The following CD55 variants were observed in gnomAD, a reference collection of about 807,000 sequenced individuals.
CD55 encodes the protein CD55 molecule (Cromer blood group), also known as complement decay-accelerating factor.
Under a neutral mutation model 45.8 loss-of-function variants are expected in CD55, and 41 were observed. That is an observed-to-expected ratio of 0.90 (90% confidence interval 0.70 to 1.16). CD55 has a LOEUF of 1.16. Ranked by LOEUF, CD55 falls within the 50% of genes most tolerant of loss-of-function variation. The probability of loss-of-function intolerance (pLI) is 0.00; values close to 1 mark genes in which losing one functional copy is unlikely to be tolerated. For missense variants in CD55, 416 were observed against 469.8 expected, an observed-to-expected ratio of 0.89 and a Z score of 1.06; for synonymous variants, 181 against 181.1, an observed-to-expected ratio of 1.00 and a Z score of 0.01.
At chr1:207,350,076 G>C in intron 9 of CD55, 1 of 453,996 alleles carries the variant, frequency 2.2e-6, no homozygotes, top group Non-Finnish European at 4.4e-6. Flanking sequence ...AAGGGATGTT[G>C]AATGTTGTCA....
At chr1:207,323,301 A>G (rs1358564548) in intron 2 of CD55, among the ~76,000 whole-genome samples, 1 of 151,750 alleles carries the variant, frequency 6.6e-6, no homozygotes, top group Non-Finnish European at 1.5e-5. Context: ...AGAGATATAT[A>G]TAGGGAGAGA....
intron 3 of CD55, 27 bp downstream of exon 3, chr1:207,324,777 C>G (rs778138982): frequency 1.4e-6 from 2 of 1,460,514 alleles, no homozygotes; most frequent in African/African-American, 2.8e-5. Flanking sequence ...AAAGTATTTT[C>G]AACCATCTGG....
intron 9 of CD55, chr1:207,347,281 A>G (rs1354960494): frequency 2.2e-6 from 1 of 445,492 alleles, no homozygotes. Context: ...TTTTTTTTAG[A>G]CGGAATCTCG....
At chr1:207,324,809 C>A in intron 3 of CD55, 59 bp downstream of exon 3, 1 of 1,046,996 alleles carries the variant, frequency 9.6e-7, no homozygotes, top group African/African-American at 1.6e-5. Context: ...AATAGTATCC[C>A]TTCCTTCATT....
intron 5 of CD55, among the ~76,000 whole-genome samples, chr1:207,328,803 A>G (rs896210183): frequency 4.6e-5 from 7 of 152,086 alleles, no homozygotes; most frequent in African/African-American, 9.7e-5. Context: ...CCATCTGTAT[A>G]TTTCTAGCAT....
At chr1:207,329,153 G>A (rs1289502199) in intron 5 of CD55, among the ~76,000 whole-genome samples, 2 of 152,212 alleles carry the variant, frequency 1.3e-5, no homozygotes, top group African/African-American at 2.4e-5. Flanking sequence ...AGGGAATTCT[G>A]GGTGCTAGTT....
At chr1:207,343,440 A>G (rs1379820417) in intron 9 of CD55, among the ~76,000 whole-genome samples, 2 of 152,178 alleles carry the variant, frequency 1.3e-5, no homozygotes, top group Non-Finnish European at 2.9e-5. Context: ...CCTAATGGTC[A>G]TTCAGAAGCA....
chr1:207,327,833 G>A (rs1018593896), intron 5 of CD55, among the ~76,000 whole-genome samples: 4 of 152,104 alleles, frequency 2.6e-5, no homozygotes, highest in African/African-American at 9.7e-5. Context: ...CACCCACCAT[G>A]TGCCCTTCTT....
At chr1:207,328,368 T>G (rs1410775644) in intron 5 of CD55, among the ~76,000 whole-genome samples, 1 of 152,202 alleles carries the variant, frequency 6.6e-6, no homozygotes, top group Non-Finnish European at 1.5e-5. Context: ...ATAACTTGTT[T>G]TGACCATACC....
chr1:207,356,755 G>C (rs982637935), intron 9 of CD55, among the ~76,000 whole-genome samples: 4 of 151,944 alleles, frequency 2.6e-5, no homozygotes, highest in African/African-American at 7.3e-5. Context: ...AACAACAACA[G>C]CACACACACA....
Position 207,331,172 on chromosome 1 carries a change from T to C in CD55, c.729T>C (p.Tyr243=), listed in dbSNP as rs775076229. Residue 243 remains tyrosine (Y), a synonymous_variant, in exon 6 of 10, where the codon TAT becomes TAC. Transcript: ENST00000367064. ...TAATTCAAGGGGAACGTGACCATTA[T>C]GGATATAGACAGTCTGTAACGTATG... The part of the protein sequence containing the change: ...NGIIQGERDH[Y]GYRQSVTYAC... 4 of 1,613,590 alleles carry C rather than the reference T, an allele frequency of 2.5e-6. No homozygotes were observed. The highest frequency in any genetic ancestry group is 1.1e-5 in the South Asian group (1 of 91,050).
intron 8 of CD55, 48 bp from the exon 9 acceptor site, chr1:207,339,349 C>CT: frequency 6.6e-7 from 1 of 1,510,424 alleles, no homozygotes; most frequent in Non-Finnish European, 9.1e-7. Flanking sequence ...AAATCAATGA[C>CT]TTTAACAAAT....
At chr1:207,332,638 T>C (rs1049875173) in intron 6 of CD55, among the ~76,000 whole-genome samples, 1 of 152,198 alleles carries the variant, frequency 6.6e-6, no homozygotes, top group Non-Finnish European at 1.5e-5. Flanking sequence ...GGCCATTTGA[T>C]CCAGTTCATA....
intron 1 of CD55, chr1:207,322,134 A>C (rs1332302817): frequency 1.5e-6 from 1 of 649,418 alleles, no homozygotes; most frequent in East Asian, 2.7e-5. Context: ...AAGCCTGGCA[A>C]AATCGAAAGG....
At chr1:207,341,613 G>T (rs938665619) in intron 9 of CD55, among the ~76,000 whole-genome samples, 24 of 152,056 alleles carry the variant, frequency 1.6e-4, no homozygotes, top group African/African-American at 5.6e-4. Flanking sequence ...ATTATTCTGT[G>T]TGCCTGTTTT....
chr1:207,326,602 C>A, intron 4 of CD55, 150 bp from the exon 5 acceptor site: 1 of 591,582 alleles, frequency 1.7e-6, no homozygotes, highest in Non-Finnish European at 3.0e-6. Context: ...TTTTCTTTTC[C>A]TTTAAACTAC....
At chr1:207,325,476 C>T in intron 3 of CD55, 146 bp from the exon 4 acceptor site, 1 of 476,960 alleles carries the variant, frequency 2.1e-6, no homozygotes, top group South Asian at 3.7e-5. Flanking sequence ...CTTAGGTGTA[C>T]AACATGATGT....
At chr1:207,321,895 C>T in intron 1 of CD55, 30 bp downstream of exon 1, 1 of 1,465,116 alleles carries the variant, frequency 6.8e-7, no homozygotes, top group Non-Finnish European at 9.1e-7. Flanking sequence ...CCGGGGAAGC[C>T]CCTGGGCTGG....
At chr1:207,340,520 G>A (rs1044735952) in intron 9 of CD55, 34 of 696,844 alleles carry the variant, frequency 4.9e-5, no homozygotes, top group Middle Eastern at 2.7e-4. Flanking sequence ...TGTGTGCCAC[G>A]ACACCCGGCT....
Sources: allele counts gnomAD v4.1 joint callset (sites outside exome capture counted in the v4.1 genomes callset), GRCh38; gene constraint gnomAD v4.1.1; transcripts MANE v1.5; gene names NCBI Gene and HGNC (gene_info 2026-07-23, HGNC 2026-07-21).